Variants in ERO1B observed in about 807,000 individuals in gnomAD.
The protein encoded by ERO1B is endoplasmic reticulum oxidoreductase 1 beta, also known as ERO1-like protein beta.
Under a neutral mutation model 75.3 loss-of-function variants are expected in ERO1B, and 49 were observed. That is an observed-to-expected ratio of 0.65 (90% CI 0.52 to 0.83). The LOEUF is 0.83. Ranked by LOEUF, ERO1B falls within the 40% of genes least tolerant of loss-of-function variation. The probability of loss-of-function intolerance (pLI) is 0.00; values close to 1 mark genes in which losing one functional copy is unlikely to be tolerated. For missense variants in ERO1B, 512 were observed against 560.1 expected, an observed-to-expected ratio of 0.91 and a Z score of 0.87; for synonymous variants, 191 against 192.9, an observed-to-expected ratio of 0.99 and a Z score of 0.08.
chr1:236,239,789 G>GTA (rs67985500), intron 6 of ERO1B, among the ~76,000 whole-genome samples: 24,317 of 102,358 alleles, frequency 0.24, 4,016 homozygotes, highest in East Asian at 0.35. Flanking sequence ...TCCTCTTCAA[G>GTA]TATATATATA....
At chr1:236,249,338 C>A (rs1361640329) in intron 5 of ERO1B, among the ~76,000 whole-genome samples, 1 of 151,956 alleles carries the variant, frequency 6.6e-6, no homozygotes, top group African/African-American at 2.4e-5. Flanking sequence ...TAAATACAAA[C>A]CTAATCAAAT....
chr1:236,248,457 C>G (rs1358495118), intron 5 of ERO1B, among the ~76,000 whole-genome samples: 4 of 152,172 alleles, frequency 2.6e-5, no homozygotes, highest in Non-Finnish European at 5.9e-5. Context: ...TGGGAATGCT[C>G]AAGGTGGCAT....
intron 6 of ERO1B, among the ~76,000 whole-genome samples, chr1:236,236,904 C>G (rs1366909067): frequency 6.6e-6 from 1 of 152,118 alleles, no homozygotes; most frequent in East Asian, 1.9e-4. Flanking sequence ...TGATCCAAAT[C>G]TGATTATTCA....
At chr1:236,253,762 A>T (rs1665095947) in intron 2 of ERO1B, among the ~76,000 whole-genome samples, 1 of 152,318 alleles carries the variant, frequency 6.6e-6, no homozygotes, top group Middle Eastern at 3.4e-3. Flanking sequence ...TATTAATGAG[A>T]ATTCTCTCAT....
rs1178422934 is a variant in ERO1B, at chr1:236,225,389, TA to T, written c.1053-251del. On this transcript the variant is annotated intron_variant, in intron 12 of 15. Transcript: ENST00000354619. ...TTTTAAATAAATGACACAGGTAATC[TA>T]AAAAATTAACTGAAAACAATCTATG... is the stretch of plus-strand genomic sequence containing the variant. Among the ~76,000 whole-genome samples the T allele has an allele frequency of 3.9e-5, 6 of 152,338 alleles. No individual in the cohort carries two copies. The East Asian group carries it at 1.2e-3, about 29-fold the overall frequency.
chr1:236,275,637 T>C (rs1006099468), intron 1 of ERO1B, among the ~76,000 whole-genome samples: 2 of 152,164 alleles, frequency 1.3e-5, no homozygotes, highest in Non-Finnish European at 1.5e-5. Flanking sequence ...AAGTTTCAAC[T>C]TTCTAATCAC....
rs1491338079 is a variant in ERO1B at position 236,250,618 on chromosome 1, T to TATATATATATATGTATAG, written c.349-652_349-651insCTATACATATATATATAT. 6.3e-5 allele frequency among the ~76,000 whole-genome samples: 7 copies of TATATATATATATGTATAG among 110,264 alleles called. 1 individual carries two copies. Among genetic ancestry groups the TATATATATATATGTATAG allele is most frequent in the Non-Finnish European group, 1.3e-4 (7 of 51,990 alleles). 72.3% of individuals were successfully genotyped at this position (110,264 alleles called of 152,430 possible). The stretch of plus-strand genomic sequence containing the variant: ...ATATATATATATATATATATATATA[T>TATATATATATATGTATAG]CAAACGTGTGTGTGCAAACATATAT... On this transcript the variant is annotated intron_variant, in intron 4 of 15. Transcript: ENST00000354619.
rs3768100 is a variant in ERO1B, at chr1:236,236,472, C to T, written c.506-74G>A. On this transcript the variant is annotated intron_variant, in intron 6 of 15. Transcript: ENST00000354619. The stretch of plus-strand genomic sequence containing the variant: ...TAAGATTTAACAGTACAAAGCAAAC[C>T]GGACTACTCAAAGGTAAGAAAAATG... 67,852 of 1,520,752 alleles carry T rather than the reference C, an allele frequency of 0.045. 4,937 individuals carry two copies. The highest frequency in any genetic ancestry group is 0.4 in the East Asian group (17,537 of 43,436). The allele number at this position is 1,520,752 out of a possible 1,614,324, so 94.2% of individuals were successfully genotyped here. A position where few individuals can be genotyped will look rare whatever the true frequency, so the allele number is the denominator to read the frequency against.
At chr1:236,280,555 T>C (rs1361883342) in intron 1 of ERO1B, among the ~76,000 whole-genome samples, 1 of 151,662 alleles carries the variant, frequency 6.6e-6, no homozygotes, top group Non-Finnish European at 1.5e-5. Context: ...CATTTTAACA[T>C]GTTCCCCAAT....
At chr1:236,230,699 C>T (rs979614943) in intron 9 of ERO1B, among the ~76,000 whole-genome samples, 1 of 148,480 alleles carries the variant, frequency 6.7e-6, no homozygotes, top group African/African-American at 2.5e-5. Context: ...AGAAAAATAA[C>T]CATATGGTTC....
intron 4 of ERO1B, chr1:236,251,288 G>A (rs1295793312): frequency 2.0e-5 from 3 of 152,368 alleles, no homozygotes; most frequent in Admixed American, 1.3e-4. Context: ...TATATTACTT[G>A]TAGATACACC....
intron 1 of ERO1B, among the ~76,000 whole-genome samples, chr1:236,272,558 G>A (rs1446517007): frequency 1.3e-5 from 2 of 152,046 alleles, no homozygotes; most frequent in Admixed American, 1.3e-4. Flanking sequence ...ACCCCAAAAG[G>A]TGAGGAAAGA....
intron 13 of ERO1B, among the ~76,000 whole-genome samples, chr1:236,224,376 G>C (rs1417946936): frequency 6.6e-6 from 1 of 151,948 alleles, no homozygotes. Context: ...AGGTACTTGG[G>C]AGGCTGAGGT....
rs529921540 is a variant in ERO1B at position 236,225,629 on chromosome 1, C to G, written c.1053-490G>C. 7.2e-5 allele frequency among the ~76,000 whole-genome samples: 11 copies of G among 152,290 alleles called. No homozygotes were observed. In the South Asian group the frequency reaches 2.3e-3, roughly 32 times the overall value. On this transcript the variant is annotated intron_variant, in intron 12 of 15. Coordinates refer to ENST00000354619, the MANE Select transcript of ERO1B (RefSeq NM_019891.4). ...AATGCAAACACATGTATATTATCAT[C>G]TAAATTTAAATATAGTGACTAGAGG...
intron 2 of ERO1B, among the ~76,000 whole-genome samples, chr1:236,259,856 T>C (rs755496364): frequency 2.6e-5 from 4 of 152,118 alleles, no homozygotes; most frequent in African/African-American, 2.4e-5. Flanking sequence ...AAACACTGGA[T>C]TTGAACTACA....
In ERO1B at chr1:236,265,858, C is replaced by A. The variant is rs77515864; in HGVS notation, c.222+4017G>T. 6.3e-3 allele frequency among the ~76,000 whole-genome samples: 957 copies of A among 152,252 alleles called. 10 individuals are homozygous for A. Among genetic ancestry groups the A allele is most frequent in the African/African-American group, 0.022 (917 of 41,532 alleles). On this transcript the variant is annotated intron_variant, in intron 2 of 15. Transcript: ENST00000354619. ...TTGGTATTCTACATCTTTTCCCTGG[C>A]ATGTTCTTTCCCCAAACCTTCTCAT...
intron 13 of ERO1B, among the ~76,000 whole-genome samples, chr1:236,224,200 T>C (rs1225731885): frequency 6.6e-6 from 1 of 152,212 alleles, no homozygotes; most frequent in Admixed American, 6.5e-5. Flanking sequence ...GCTATATTCT[T>C]ACACCAGTTT....
At chr1:236,265,226 T>C (rs1665408294) in intron 2 of ERO1B, among the ~76,000 whole-genome samples, 1 of 152,216 alleles carries the variant, frequency 6.6e-6, no homozygotes, top group Admixed American at 6.5e-5. Flanking sequence ...GCTATGCTGA[T>C]GTTAGGACTG....
chr1:236,269,813 AG>A (rs1665549929), intron 2 of ERO1B, 61 bp downstream of exon 2: 1 of 1,353,444 alleles, frequency 7.4e-7, no homozygotes, highest in Non-Finnish European at 1.0e-6. Context: ...GGCTTTCAAA[AG>A]GATCATAAAG....
Sources: allele counts gnomAD v4.1 joint callset (sites outside exome capture counted in the v4.1 genomes callset), GRCh38; gene constraint gnomAD v4.1.1; transcripts MANE v1.5; gene names NCBI Gene and HGNC (gene_info 2026-07-23, HGNC 2026-07-21).